CYP2C18: variants seen among roughly 807,000 people sequenced by gnomAD.
CYP2C18 encodes the protein cytochrome P450 family 2 subfamily C member 18.
CYP2C18 carries 38 observed loss-of-function variants against 41.3 expected under a neutral mutation model. The observed-to-expected ratio is 0.92, with a 90% confidence interval of 0.71 to 1.21. CYP2C18 has a LOEUF of 1.21. CYP2C18 is among the 50% of genes most tolerant of loss of function. The probability of loss-of-function intolerance (pLI) is 0.00; values close to 1 mark genes in which losing one functional copy is unlikely to be tolerated. For missense variants in CYP2C18, 635 were observed against 591.4 expected (o/e 1.07, Z -0.77); for synonymous variants, 236 against 210.0 (o/e 1.12, Z -1.07).
intron 7 of CYP2C18, among the ~76,000 whole-genome samples, chr10:94,725,082 A>T (rs1847716263): frequency 6.8e-6 from 1 of 147,934 alleles, no homozygotes; most frequent in South Asian, 2.1e-4. Flanking sequence ...TATAATATAA[A>T]ATATATATAA....
intron 6 of CYP2C18, among the ~76,000 whole-genome samples, chr10:94,723,613 TTAATA>T (rs1387257484): frequency 6.6e-6 from 1 of 152,080 alleles, no homozygotes; most frequent in African/African-American, 2.4e-5. Context: ...AACATGAGTA[TTAATA>T]TAATAAAAAT....
intron 4 of CYP2C18, among the ~76,000 whole-genome samples, chr10:94,706,119 G>A (rs1369890817): frequency 6.6e-6 from 1 of 152,140 alleles, no homozygotes; most frequent in Non-Finnish European, 1.5e-5. Flanking sequence ...AGGTAATTAA[G>A]GTTAAGATGA....
At chr10:94,730,428 G>T (rs1469060353) in intron 7 of CYP2C18, among the ~76,000 whole-genome samples, 1 of 152,086 alleles carries the variant, frequency 6.6e-6, no homozygotes, top group African/African-American at 2.4e-5. Flanking sequence ...CCAAGTCAAG[G>T]GTGGTTTTTC....
intron 1 of CYP2C18, among the ~76,000 whole-genome samples, chr10:94,685,337 T>C (rs138313662): frequency 1.5e-4 from 23 of 152,240 alleles, no homozygotes; most frequent in African/African-American, 5.3e-4. Flanking sequence ...CTTGACCCCT[T>C]TGCTCGTTTT....
chr10:94,721,832 T>G (rs904471549), intron 6 of CYP2C18, among the ~76,000 whole-genome samples: 1 of 152,178 alleles, frequency 6.6e-6, no homozygotes, highest in African/African-American at 2.4e-5. Flanking sequence ...GGTGTGTGTG[T>G]GTGTGTGACA....
chr10:94,707,136 G>A (rs549539297), intron 5 of CYP2C18, among the ~76,000 whole-genome samples, 176 bp downstream of exon 5: 8 of 148,002 alleles, frequency 5.4e-5, no homozygotes, highest in African/African-American at 1.7e-4. Context: ...TTATATGTGA[G>A]CACCATTGTT....
Position 94,735,543 on chromosome 10 carries a change from C to A in CYP2C18, c.*99C>A. ...CTTCTCTCTGTGAGGGATATTTTCT[C>A]TGACTTGTCAATCCACATCTTCCCA... On this transcript the variant is annotated 3_prime_UTR_variant, in exon 9 of 9. Coordinates refer to ENST00000285979, the MANE Select transcript of CYP2C18 (RefSeq NM_000772.3). 2 of 1,190,764 alleles carry A rather than the reference C, an allele frequency of 1.7e-6. No individual in the cohort carries two copies. Among genetic ancestry groups the A allele is most frequent in the East Asian group, 2.4e-5 (1 of 42,346 alleles). The allele number at this position is 1,190,764 out of a possible 1,614,324, so 73.8% of individuals were successfully genotyped here.
chr10:94,732,148 C>T (rs1240087154), intron 7 of CYP2C18, among the ~76,000 whole-genome samples: 2 of 151,946 alleles, frequency 1.3e-5, no homozygotes, highest in Non-Finnish European at 2.9e-5. Context: ...ACAAATAATG[C>T]CATTAAAAAG....
At chr10:94,735,121 G>C (rs1312583885) in intron 8 of CYP2C18, 142 bp from the exon 9 acceptor site, 2 of 810,868 alleles carry the variant, frequency 2.5e-6, no homozygotes, top group Middle Eastern at 3.7e-4. Context: ...TTGTTTTTCT[G>C]TGTATCCAGC....
At position 94,733,705 on chromosome 10, in the gene CYP2C18, A is replaced by T. The variant is rs923145611; in HGVS notation, c.1291+267A>T. On this transcript the variant is annotated intron_variant, in intron 8 of 8. Coordinates refer to ENST00000285979, the MANE Select transcript of CYP2C18 (RefSeq NM_000772.3). ...AATTCTGCCTCTAGATACATCACTG[A>T]GCTACCCAAGAGCTCTTCTTAATGG... 13 of 550,252 alleles carry T rather than the reference A, an allele frequency of 2.4e-5. No homozygotes were observed. The African/African-American group carries it at 2.5e-4, about 10-fold the overall frequency. The allele number at this position is 550,252 out of a possible 1,614,324, so 34.1% of individuals were successfully genotyped here.
chr10:94,684,352 C>T (rs1282855404), intron 1 of CYP2C18, among the ~76,000 whole-genome samples: 1 of 152,110 alleles, frequency 6.6e-6, no homozygotes, highest in Non-Finnish European at 1.5e-5. Context: ...CCTTATTTGG[C>T]CCATCTCCAC....
intron 3 of CYP2C18, among the ~76,000 whole-genome samples, chr10:94,690,846 C>T (rs1470985251): frequency 6.6e-6 from 1 of 152,130 alleles, no homozygotes; most frequent in Non-Finnish European, 1.5e-5. Context: ...AGGCTTCATC[C>T]CTGGGATGCA....
At chr10:94,731,357 G>A (rs1847829169) in intron 7 of CYP2C18, among the ~76,000 whole-genome samples, 1 of 151,444 alleles carries the variant, frequency 6.6e-6, no homozygotes, top group South Asian at 2.1e-4. Context: ...TCCAGGCTGG[G>A]TGACAGAGTG....
intron 3 of CYP2C18, among the ~76,000 whole-genome samples, chr10:94,689,944 C>T (rs909105013): frequency 2.0e-4 from 31 of 152,260 alleles, no homozygotes; most frequent in African/African-American, 7.0e-4. Context: ...TCTACCCTCC[C>T]TATCTCACTC....
At chr10:94,717,146 CTG>C (rs1271388491) in intron 5 of CYP2C18, among the ~76,000 whole-genome samples, 1 of 152,074 alleles carries the variant, frequency 6.6e-6, no homozygotes, top group Non-Finnish European at 1.5e-5. Flanking sequence ...GTTTGCTAGT[CTG>C]TGTCTTTTAA....
intron 4 of CYP2C18, among the ~76,000 whole-genome samples, chr10:94,695,449 A>G (rs571078189): frequency 1.3e-5 from 2 of 152,226 alleles, no homozygotes; most frequent in South Asian, 2.1e-4. Context: ...AGCTTCATCC[A>G]TGTCCCGGCC....
chr10:94,692,952 G>A lies in CYP2C18; in HGVS notation c.482-1965G>A, dbSNP rs532625712. On this transcript the variant is annotated intron_variant, in intron 3 of 8. Coordinates refer to ENST00000285979, the MANE Select transcript of CYP2C18 (RefSeq NM_000772.3). ...ATCACATGTTCTCACTCATAGGTGG[G>A]AATTGAACAATGAGAACACATGGAC... Among the ~76,000 whole-genome samples the A allele has an allele frequency of 2.6e-4, 39 of 151,430 alleles. No homozygotes were observed. In the South Asian group the frequency reaches 7.8e-3, roughly 30 times the overall value.
At chr10:94,697,666 A>G (rs1847145134) in intron 4 of CYP2C18, among the ~76,000 whole-genome samples, 1 of 152,230 alleles carries the variant, frequency 6.6e-6, no homozygotes, top group South Asian at 2.1e-4. Flanking sequence ...AAATGCTCCA[A>G]TTAAAAGACA....
At chr10:94,691,415 C>T (rs956376665) in intron 3 of CYP2C18, among the ~76,000 whole-genome samples, 5 of 152,110 alleles carry the variant, frequency 3.3e-5, no homozygotes, top group Non-Finnish European at 2.9e-5. Flanking sequence ...AGTGAACTCC[C>T]ATTCACAATT....
Sources: gnomAD v4.1 joint callset for allele counts (sites outside exome capture counted in the v4.1 genomes callset) on GRCh38, gnomAD v4.1.1 for gene constraint, MANE v1.5 for transcripts, NCBI Gene and HGNC (gene_info 2026-07-23, HGNC 2026-07-21) for gene names.